Variants in ELMOD2 observed in about 807,000 individuals in gnomAD.
ELMOD2 encodes ELMO domain-containing protein 2.
ELMOD2 carries 28 observed loss-of-function variants against 41.0 expected under a neutral mutation model. The observed-to-expected ratio is 0.68, with a 90% CI of 0.51 to 0.94. The LOEUF (loss-of-function observed/expected upper bound fraction) is 0.94, where lower values mean the gene tolerates loss of function less well. Among genes scored for constraint, ELMOD2 ranks in the 40% least tolerant of loss-of-function variants. ELMOD2 has a pLI of 0.00. For synonymous variants in ELMOD2, 106 were observed against 107.2 expected (o/e 0.99, Z 0.07); for missense variants, 333 against 343.1 (o/e 0.97, Z 0.23).
chr4:140,534,203 C>G (rs1734838247), intron 3 of ELMOD2, among the ~76,000 whole-genome samples: 1 of 152,038 alleles, frequency 6.6e-6, no homozygotes, highest in Admixed American at 6.6e-5. Flanking sequence ...CAATACAACT[C>G]AACAATTAAA....
chr4:140,532,632 C>T (rs535378234), intron 3 of ELMOD2, among the ~76,000 whole-genome samples: 1 of 152,168 alleles, frequency 6.6e-6, no homozygotes, highest in Non-Finnish European at 1.5e-5. Flanking sequence ...CTTTCTCAAC[C>T]TATGAAAGGC....
At chr4:140,540,587 C>T (rs1217881417) in intron 6 of ELMOD2, among the ~76,000 whole-genome samples, 1 of 151,984 alleles carries the variant, frequency 6.6e-6, no homozygotes, top group Admixed American at 6.6e-5. Context: ...GACCCTGTCT[C>T]TACAAAAATA....
intron 5 of ELMOD2, among the ~76,000 whole-genome samples, chr4:140,539,837 T>G (rs1461167517): frequency 1.3e-5 from 2 of 152,252 alleles, no homozygotes; most frequent in Non-Finnish European, 2.9e-5. Flanking sequence ...TATTTAACTA[T>G]ACAGTATCTG....
intron 3 of ELMOD2, among the ~76,000 whole-genome samples, chr4:140,532,038 A>G (rs1734764469): frequency 6.6e-6 from 1 of 152,224 alleles, no homozygotes; most frequent in Non-Finnish European, 1.5e-5. Context: ...AAAGCCAGAT[A>G]TAGACAATAT....
chr4:140,533,847 T>C (rs1177873251), intron 3 of ELMOD2, among the ~76,000 whole-genome samples: 1 of 152,100 alleles, frequency 6.6e-6, no homozygotes, highest in Non-Finnish European at 1.5e-5. Flanking sequence ...TGTGTGTATG[T>C]ATACACACTT....
intron 3 of ELMOD2, among the ~76,000 whole-genome samples, chr4:140,533,982 T>C (rs373987889): frequency 6.6e-6 from 1 of 152,116 alleles, no homozygotes; most frequent in Admixed American, 6.5e-5. Flanking sequence ...GAAACACCAG[T>C]TGGAGCAGAA....
At chr4:140,524,633 A>G (rs767965532) in intron 1 of ELMOD2, 82 of 985,342 alleles carry the variant, frequency 8.3e-5, no homozygotes, top group Admixed American at 2.5e-4. Flanking sequence ...TCGAACTTCG[A>G]CAGTCCCTCC....
At position 140,551,006 on chromosome 4, in the gene ELMOD2, T is replaced by G. The variant is rs1238629029; in HGVS notation, c.*631T>G. 6.6e-6 allele frequency: 1 copy of G among 152,120 alleles called. No individual in the cohort carries two copies. The highest frequency in any genetic ancestry group is 1.9e-4 in the East Asian group (1 of 5,200). The allele number at this position is 152,120 out of a possible 1,614,324, so 9.4% of individuals were successfully genotyped here. Reference sequence around the variant, plus strand: ...AATGACAGTATTGGTGACTAGCTTTTTTGTTTTTAAATAACACACTTTAAA... The same window carrying G: ...AATGACAGTATTGGTGACTAGCTTTGTTGTTTTTAAATAACACACTTTAAA... On this transcript the variant is annotated 3_prime_UTR_variant, in exon 9 of 9. Transcript: ENST00000323570.
At position 140,542,651 on chromosome 4, in the gene ELMOD2, G is replaced by A. The variant is rs1346694461; in HGVS notation, c.602+9G>A. On this transcript the variant is annotated intron_variant, in intron 7 of 8. Transcript: ENST00000323570. ...AATCATCCAAAATTAGGGTAAGCTG[G>A]GTATATTAAAGAAGCCGTAATCTCT... 1.3e-6 allele frequency: 2 copies of A among 1,590,830 alleles called. No individual in the cohort carries two copies. Among genetic ancestry groups the A allele is most frequent in the Non-Finnish European group, 1.7e-6 (2 of 1,165,584 alleles).
intron 2 of ELMOD2, among the ~76,000 whole-genome samples, chr4:140,527,044 G>A (rs1734587569): frequency 1.3e-5 from 2 of 152,132 alleles, no homozygotes; most frequent in African/African-American, 2.4e-5. Flanking sequence ...CCTATTTGTT[G>A]TACGATTTGG....
chr4:140,539,718 A>C (rs559124321), intron 5 of ELMOD2, among the ~76,000 whole-genome samples: 1 of 152,302 alleles, frequency 6.6e-6, no homozygotes, highest in South Asian at 2.1e-4. Context: ...TAAACTGAAA[A>C]TTTGTAAAAC....
At chr4:140,546,907 C>T (rs1209079755) in intron 8 of ELMOD2, among the ~76,000 whole-genome samples, 1 of 152,112 alleles carries the variant, frequency 6.6e-6, no homozygotes, top group Non-Finnish European at 1.5e-5. Flanking sequence ...AGCTGTAGAT[C>T]ATCCTGGAAA....
At chr4:140,546,129 A>G (rs1175278720) in intron 8 of ELMOD2, among the ~76,000 whole-genome samples, 1 of 152,206 alleles carries the variant, frequency 6.6e-6, no homozygotes, top group Non-Finnish European at 1.5e-5. Context: ...AATGTGGCAC[A>G]TATACACCAT....
rs760347825 is a variant in ELMOD2, at chr4:140,550,240, C to G, written c.747C>G (p.Val249=). The part of the protein sequence containing the change: ...EHFHQFYCYL[V]YEFDKFWFEE... Reference sequence around the variant, plus strand: ...TTTCTTTAACTGCAGGTTATCTTGTCTATGAATTTGACAAGTTTTGGTTTG... The same window carrying G: ...TTTCTTTAACTGCAGGTTATCTTGTGTATGAATTTGACAAGTTTTGGTTTG... The change falls in exon 9 of 9, where the codon GTC becomes GTG. Residue 249 remains valine, a synonymous_variant. Transcript: ENST00000323570. The G allele has an allele frequency of 1.9e-6, 3 of 1,608,856 alleles. No homozygotes were observed. Among genetic ancestry groups the G allele is most frequent in the Non-Finnish European group, 2.5e-6 (3 of 1,177,318 alleles).
chr4:140,534,501 C>A (rs1317294766), intron 3 of ELMOD2, among the ~76,000 whole-genome samples: 2 of 152,098 alleles, frequency 1.3e-5, no homozygotes, highest in Admixed American at 1.3e-4. Flanking sequence ...CAAAACAGAT[C>A]AGACAACATC....
At chr4:140,546,040 T>C (rs954950749) in intron 8 of ELMOD2, among the ~76,000 whole-genome samples, 2 of 152,066 alleles carry the variant, frequency 1.3e-5, no homozygotes, top group South Asian at 2.1e-4. Context: ...TGCACACATA[T>C]GTTTATTGCG....
At chr4:140,540,571 T>C (rs1735074093) in intron 6 of ELMOD2, among the ~76,000 whole-genome samples, 3 of 152,030 alleles carry the variant, frequency 2.0e-5, no homozygotes, top group African/African-American at 7.2e-5. Flanking sequence ...CTGAGCAATA[T>C]AGTGAGACCC....
Position 140,552,372 on chromosome 4 carries a change from C to T in ELMOD2, c.*1997C>T, listed in dbSNP as rs118152807. 10 of 152,122 alleles carry T rather than the reference C, an allele frequency of 6.6e-5. No homozygotes were observed. In the East Asian group the frequency reaches 1.9e-3, roughly 29 times the overall value. 9.4% of individuals were successfully genotyped at this position (152,122 alleles called of 1,614,324 possible). ...ATAATATGTTCTTTAAATCCACCTCCATTTGTACATTATAGGTATCATTCT... is the reference window on the plus strand; with the variant it reads ...ATAATATGTTCTTTAAATCCACCTCTATTTGTACATTATAGGTATCATTCT... On this transcript the variant is annotated 3_prime_UTR_variant, in exon 9 of 9. Coordinates refer to ENST00000323570, the MANE Select transcript of ELMOD2 (RefSeq NM_153702.4).
intron 5 of ELMOD2, among the ~76,000 whole-genome samples, chr4:140,539,098 T>C (rs1735023638): frequency 2.0e-5 from 3 of 152,196 alleles, no homozygotes; most frequent in African/African-American, 7.2e-5. Context: ...TGACCCTGTT[T>C]TAAAGCAAGG....
Sources: gnomAD v4.1 joint callset for allele counts (sites outside exome capture counted in the v4.1 genomes callset) on GRCh38, gnomAD v4.1.1 for gene constraint, MANE v1.5 for transcripts, NCBI Gene and HGNC (gene_info 2026-07-23, HGNC 2026-07-21) for gene names.